APOL3: variants seen among roughly 807,000 people sequenced by gnomAD.
APOL3 encodes the protein apolipoprotein L3, also known as TNF-inducible protein CG12-1.
In APOL3, 14 loss-of-function variants were observed where a neutral mutation model predicts 11.6. The observed-to-expected ratio is 1.21, with a 90% CI of 0.80 to 1.89. The LOEUF (loss-of-function observed/expected upper bound fraction) is 1.89. APOL3 is among the 40% of genes most tolerant of loss of function. The pLI is 0.00. For missense variants in APOL3, 483 were observed against 492.1 expected (o/e 0.98, Z 0.17); for synonymous variants, 192 against 190.6 (o/e 1.01, Z -0.06).
chr22:36,149,264 C>T (rs2060338263), intron 1 of APOL3, 122 bp from the exon 2 acceptor site: 5 of 1,305,530 alleles, frequency 3.8e-6, no homozygotes, highest in Non-Finnish European at 5.1e-6. Flanking sequence ...CCAACCTAGC[C>T]CGGTGTTTTT....
intron 1 of APOL3, chr22:36,155,734 C>A: frequency 6.2e-6 from 1 of 160,422 alleles, no homozygotes; most frequent in South Asian, 1.7e-4. Context: ...CACCTGACAC[C>A]TCTGATGAGC....
chr22:36,163,604 T>C (rs1401850152), upstream of APOL3, among the ~76,000 whole-genome samples: 1 of 152,258 alleles, frequency 6.6e-6, no homozygotes, highest in Non-Finnish European at 1.5e-5. Context: ...GGAAGGGGTC[T>C]CCATGCTGGG....
chr22:36,148,816 G>A (rs1198664032), intron 1 of APOL3, among the ~76,000 whole-genome samples: 1 of 152,232 alleles, frequency 6.6e-6, no homozygotes, highest in Non-Finnish European at 1.5e-5. Context: ...CCAGGGCAGG[G>A]AGGAAGTGGG....
At chr22:36,142,106 G>A (rs1400822089) in intron 2 of APOL3, 48 bp from the exon 4 acceptor site, 11 of 1,534,664 alleles carry the variant, frequency 7.2e-6, no homozygotes, top group Non-Finnish European at 7.9e-6. Context: ...TTACTTATCT[G>A]TAAAATCAGC....
intron 1 of APOL3, among the ~76,000 whole-genome samples, chr22:36,158,129 T>C (rs1417906098): frequency 1.3e-5 from 2 of 152,160 alleles, no homozygotes; most frequent in Non-Finnish European, 2.9e-5. Flanking sequence ...ACGTTAACCA[T>C]ATGAAAAGGC....
chr22:36,154,382 T>C, intron 1 of APOL3: 2 of 331,632 alleles, frequency 6.0e-6, no homozygotes, highest in Non-Finnish European at 1.2e-5. Context: ...GATACTAACA[T>C]TCAAGTGAGA....
chr22:36,150,218 G>C (rs947786072), intron 1 of APOL3, among the ~76,000 whole-genome samples: 2 of 152,132 alleles, frequency 1.3e-5, no homozygotes, highest in African/African-American at 4.8e-5. Context: ...TTATGTTTAG[G>C]CATTGTTCTA....
At chr22:36,150,061 C>T in intron 1 of APOL3, 1 of 374,720 alleles carries the variant, frequency 2.7e-6, no homozygotes, top group Non-Finnish European at 5.3e-6. Flanking sequence ...ATCCTCCTGC[C>T]TGAGCCCCCC....
At chr22:36,164,376 G>A (rs377003242), upstream of APOL3, among the ~76,000 whole-genome samples, 59 of 152,132 alleles carry the variant, frequency 3.9e-4, no homozygotes, top group African/African-American at 1.4e-3. Context: ...CTCCTTAAAA[G>A]TCTATACCAA....
At chr22:36,141,215 T>C (rs779979223) in exon 3 of APOL3, 1 of 1,613,574 alleles carries the variant, frequency 6.2e-7, no homozygotes. Context: ...GGGTATGGCA[T>C]GGATTCAGAC....
intron 1 of APOL3, chr22:36,149,430 A>G (rs2060346057): frequency 2.3e-6 from 3 of 1,282,144 alleles, no homozygotes; most frequent in South Asian, 2.5e-5. Context: ...ATAATCACAG[A>G]AACTACAGAG....
At chr22:36,149,983 AAT>A (rs1491307577) in intron 1 of APOL3, 2 of 434,884 alleles carry the variant, frequency 4.6e-6, no homozygotes, top group Admixed American at 5.2e-5. Context: ...ATTAAAAAAA[AAT>A]TTTTTTTAGA....
rs185059406 is a variant in APOL3, at chr22:36,145,287, C to G, written c.350+186G>C. Reference sequence around the variant, plus strand: ...CTTGTGGGCTTCCTCTCCCCTCAGCCTGAGGTCACTCACTGCCAGCGAAGG... The same window carrying G: ...CTTGTGGGCTTCCTCTCCCCTCAGCGTGAGGTCACTCACTGCCAGCGAAGG... On this transcript the variant is annotated intron_variant, in intron 2 of 2. Transcript: ENST00000349314. Among the ~76,000 whole-genome samples the G allele has an allele frequency of 4.1e-4, 62 of 152,342 alleles. No individual in the cohort carries two copies. The East Asian group carries it at 9.7e-3, about 24-fold the overall frequency.
intron 1 of APOL3, among the ~76,000 whole-genome samples, chr22:36,152,734 G>A (rs2011980971): frequency 6.6e-6 from 1 of 152,142 alleles, no homozygotes; most frequent in Non-Finnish European, 1.5e-5. Flanking sequence ...AAACTCAAGT[G>A]CCCAATCTCC....
At chr22:36,163,095 CT>C (rs1255586204), upstream of APOL3, among the ~76,000 whole-genome samples, 2 of 152,118 alleles carry the variant, frequency 1.3e-5, no homozygotes, top group African/African-American at 4.8e-5. Context: ...GATTAAACAA[CT>C]TCATTAGGTT....
intron 1 of APOL3, chr22:36,153,362 A>G (rs945910069): frequency 8.8e-6 from 4 of 456,114 alleles, no homozygotes; most frequent in Non-Finnish European, 1.8e-5. Context: ...AGAGAAATAC[A>G]CCTGCCTCCT....
At chr22:36,141,417 C>T (rs752795160) in exon 3 of APOL3, 17 of 1,614,052 alleles carry the variant, frequency 1.1e-5, no homozygotes, top group African/African-American at 4.0e-5. Context: ...GCTCACTGCC[C>T]GGGTGGTGCC....
In APOL3 at chr22:36,160,695, G is replaced by C; in HGVS notation, c.197C>G (p.Ser66Ter). ...AAGGAAGCTTCTCTTGAAAGAGTGTGAGCAAGATCCAGCTGTTCTGAGCTG... is the reference window on the plus strand; with the variant it reads ...AAGGAAGCTTCTCTTGAAAGAGTGTCAGCAAGATCCAGCTGTTCTGAGCTG... Residue 66 changes from serine (S) to a stop codon, truncating the protein, a stop_gained, in exon 1 of 3, where the codon TCA (serine) becomes TGA (stop). Transcript: ENST00000349314. LOFTEE classifies it high-confidence loss of function. 1 of 1,614,166 alleles carries C rather than the reference G, an allele frequency of 6.2e-7. No homozygotes were observed. The highest frequency in any genetic ancestry group is 8.5e-7 in the Non-Finnish European group (1 of 1,180,036).
chr22:36,164,209 T>C (rs2013802010), upstream of APOL3, among the ~76,000 whole-genome samples: 1 of 152,236 alleles, frequency 6.6e-6, no homozygotes, highest in Non-Finnish European at 1.5e-5. Context: ...ACAGAAACTG[T>C]TGAATCTGTG....
Sources: allele counts gnomAD v4.1 joint callset (sites outside exome capture counted in the v4.1 genomes callset), GRCh38; gene constraint gnomAD v4.1.1; transcripts MANE v1.5; gene names NCBI Gene and HGNC (gene_info 2026-07-23, HGNC 2026-07-21).